UNC5B: variants seen among roughly 807,000 people sequenced by gnomAD.
The protein encoded by UNC5B is netrin receptor UNC5B.
A neutral mutation model predicts 103.7 loss-of-function variants in UNC5B; 56 were observed. The observed-to-expected ratio is 0.54, with a 90% confidence interval of 0.44 to 0.67. The LOEUF (loss-of-function observed/expected upper bound fraction) is 0.67. Among genes scored for constraint, UNC5B ranks in the 30% least tolerant of loss-of-function variants. The pLI is 0.00. For missense variants in UNC5B, 1,194 were observed against 1,284.5 expected, an observed-to-expected ratio of 0.93 and a Z score of 1.08; for synonymous variants, 577 against 542.0, an observed-to-expected ratio of 1.06 and a Z score of -0.90.
At chr10:71,253,017 T>A (rs1413230671) in intron 1 of UNC5B, among the ~76,000 whole-genome samples, 2 of 152,154 alleles carry the variant, frequency 1.3e-5, no homozygotes, top group Non-Finnish European at 2.9e-5. Context: ...TCCAGGACAT[T>A]GGTCATTTCT....
chr10:71,285,289 G>T (rs755927211), intron 3 of UNC5B, 37 bp from the exon 4 acceptor site: 2 of 1,570,820 alleles, frequency 1.3e-6, no homozygotes, highest in East Asian at 4.6e-5. Context: ...GATCCTGCCC[G>T]CACCTGACTG....
In UNC5B at chr10:71,250,407, A is replaced by C. The variant is rs114639018; in HGVS notation, c.80-29414A>C. 4.1e-3 allele frequency among the ~76,000 whole-genome samples: 632 copies of C among 152,294 alleles called. 5 individuals carry two copies. The highest frequency in any genetic ancestry group is 0.015 in the African/African-American group (608 of 41,546). The stretch of plus-strand genomic sequence containing the variant: ...TGTCTGGCCTGGCTTGGGTGTGTGG[A>C]TGCTTCCTCAAGTCCCAGCTTAATT... On this transcript the variant is annotated intron_variant, in intron 1 of 16. Coordinates refer to ENST00000335350, the MANE Select transcript of UNC5B (RefSeq NM_170744.5).
chr10:71,268,592 G>A (rs1416378659), intron 1 of UNC5B, among the ~76,000 whole-genome samples: 1 of 152,224 alleles, frequency 6.6e-6, no homozygotes, highest in Admixed American at 6.5e-5. Flanking sequence ...AACAGGCAAG[G>A]ACTGCAGCAG....
intron 15 of UNC5B, 116 bp downstream of exon 15, chr10:71,296,858 GGC>G: frequency 1.8e-6 from 1 of 542,758 alleles, no homozygotes; most frequent in Non-Finnish European, 3.3e-6. Flanking sequence ...GGAAGGGTGG[GGC>G]AGATATTCCA....
chr10:71,296,461 C>A, intron 14 of UNC5B, 117 bp from the exon 15 acceptor site: 1 of 1,207,660 alleles, frequency 8.3e-7, no homozygotes, highest in Non-Finnish European at 1.1e-6. Flanking sequence ...CCCTCCCTAT[C>A]TGGGTGGAGA....
intron 1 of UNC5B, among the ~76,000 whole-genome samples, chr10:71,250,383 G>A (rs1293406161): frequency 2.6e-5 from 4 of 152,240 alleles, no homozygotes; most frequent in African/African-American, 9.6e-5. Context: ...TTCTTCATCT[G>A]TCTGGCCTGG....
At chr10:71,288,891 A>G (rs1845170592) in intron 7 of UNC5B, 67 bp from the exon 8 acceptor site, 5 of 1,577,514 alleles carry the variant, frequency 3.2e-6, no homozygotes, top group African/African-American at 2.8e-5. Context: ...CATCCTTCCC[A>G]TTGCCTTCTC....
rs952326226 is a variant in UNC5B at position 71,213,969 on chromosome 10, C to G, written c.79+905C>G. Among the ~76,000 whole-genome samples the G allele has an allele frequency of 6.6e-6, 1 of 151,930 alleles. No homozygotes were observed. Among genetic ancestry groups the G allele is most frequent in the Non-Finnish European group, 1.5e-5 (1 of 67,996 alleles). On this transcript the variant is annotated intron_variant, in intron 1 of 16. Coordinates refer to ENST00000335350, the MANE Select transcript of UNC5B (RefSeq NM_170744.5). The surrounding 1 kb of genome is among the most constrained non-coding windows in gnomAD (Gnocchi z 4.1). ...TCGCCGTGGATGAATACGTTTCTCG[C>G]TCGTCCTGTAGCTGGACCCGGCGTC...
In UNC5B at chr10:71,284,757, G is replaced by A. The variant is rs747993177; in HGVS notation, c.342G>A (p.Arg114=). The change falls in exon 3 of 17, where the codon CGG becomes CGA. Residue 114 remains arginine (R), a synonymous_variant. Coordinates refer to ENST00000335350, the MANE Select transcript of UNC5B (RefSeq NM_170744.5). ...RVREVQIEVS[R]QQVEELFGLE... Reference sequence around the variant, plus strand: ...GCGAGGTGCAGATCGAGGTGTCGCGGCAGCAGGTGGAGGAGCTCTTTGGGC... The same window carrying A: ...GCGAGGTGCAGATCGAGGTGTCGCGACAGCAGGTGGAGGAGCTCTTTGGGC... The A allele has an allele frequency of 3.8e-6, 6 of 1,580,700 alleles. No individual in the cohort carries two copies. Among genetic ancestry groups the A allele is most frequent in the Middle Eastern group, 1.7e-4 (1 of 5,950 alleles).
intron 1 of UNC5B, among the ~76,000 whole-genome samples, chr10:71,241,895 G>A (rs1843909725): frequency 1.3e-5 from 2 of 152,098 alleles, no homozygotes; most frequent in Admixed American, 1.3e-4. Context: ...GTTATCTTGT[G>A]TATCACCTCC....
At chr10:71,291,269 C>T (rs911727528) in intron 9 of UNC5B, among the ~76,000 whole-genome samples, 160 bp downstream of exon 9, 6 of 152,096 alleles carry the variant, frequency 3.9e-5, no homozygotes, top group African/African-American at 9.7e-5. Flanking sequence ...AGAGAACTAC[C>T]GAGAAGGAAG....
intron 2 of UNC5B, among the ~76,000 whole-genome samples, 198 bp downstream of exon 2, chr10:71,280,243 T>C (rs1290740962): frequency 6.6e-6 from 1 of 152,132 alleles, no homozygotes; most frequent in African/African-American, 2.4e-5. Flanking sequence ...GAGCCCTCAC[T>C]CCCTTTTCCA....
At chr10:71,271,151 G>A (rs1049411173) in intron 1 of UNC5B, among the ~76,000 whole-genome samples, 2 of 152,330 alleles carry the variant, frequency 1.3e-5, no homozygotes, top group East Asian at 3.9e-4. Flanking sequence ...GTCCCCTCCA[G>A]CAAGCTAGGG....
intron 1 of UNC5B, among the ~76,000 whole-genome samples, chr10:71,238,488 A>AT (rs993419418): frequency 9.3e-5 from 14 of 151,146 alleles, no homozygotes; most frequent in Non-Finnish European, 1.5e-4. Flanking sequence ...ATTTGCATTT[A>AT]TTTTTTTTTA....
chr10:71,285,806 C>T (rs979709389), intron 4 of UNC5B, among the ~76,000 whole-genome samples: 2 of 152,210 alleles, frequency 1.3e-5, no homozygotes, highest in Non-Finnish European at 2.9e-5. Flanking sequence ...TTCTCCCCCA[C>T]GAGCTGATCA....
At position 71,227,697 on chromosome 10, in the gene UNC5B, T is replaced by C. The variant is rs866020663; in HGVS notation, c.79+14633T>C. 5.3e-5 allele frequency among the ~76,000 whole-genome samples: 6 copies of C among 113,782 alleles called. No homozygotes were observed. In the South Asian group the frequency reaches 1.1e-3, roughly 20 times the overall value. 74.6% of individuals were successfully genotyped at this position (113,782 alleles called of 152,430 possible). A position where few individuals can be genotyped will look rare whatever the true frequency, so the allele number is the denominator to read the frequency against. On this transcript the variant is annotated intron_variant, in intron 1 of 16. Coordinates refer to ENST00000335350, the MANE Select transcript of UNC5B (RefSeq NM_170744.5). ...ATATACATATATATACACATATATA[T>C]ACACACATATACACACACACACACA... is the stretch of plus-strand genomic sequence containing the variant.
chr10:71,236,354 C>G (rs1174281297), intron 1 of UNC5B, among the ~76,000 whole-genome samples: 2 of 152,162 alleles, frequency 1.3e-5, no homozygotes, highest in Admixed American at 1.3e-4. Context: ...TTGCCATGCC[C>G]GCCCTGCCTC....
At chr10:71,287,567 A>G (rs1811163524) in intron 5 of UNC5B, 31 bp from the exon 6 acceptor site, 5 of 1,566,914 alleles carry the variant, frequency 3.2e-6, no homozygotes, top group Non-Finnish European at 4.3e-6. Flanking sequence ...TCCAGAGCCA[A>G]GCCATCCAGT....
intron 1 of UNC5B, among the ~76,000 whole-genome samples, chr10:71,275,894 G>T (rs1844759769): frequency 6.6e-6 from 1 of 151,882 alleles, no homozygotes; most frequent in Admixed American, 6.6e-5. Context: ...TCCTTTATTT[G>T]GCACCATATC....
Sources: gnomAD v4.1 joint callset for allele counts (sites outside exome capture counted in the v4.1 genomes callset) on GRCh38, gnomAD v4.1.1 for gene constraint, Gnocchi (gnomAD v3.1) non-coding constraint, MANE v1.5 for transcripts, NCBI Gene and HGNC (gene_info 2026-07-23, HGNC 2026-07-21) for gene names.